The following RNF144A variants were observed in gnomAD, a reference collection of about 807,000 sequenced individuals.
The protein encoded by RNF144A is ring finger protein 144A, also known as E3 ubiquitin-protein ligase RNF144A.
Under a neutral mutation model 38.7 loss-of-function variants are expected in RNF144A, and 11 were observed. The observed-to-expected ratio is 0.28, with a 90% confidence interval of 0.18 to 0.47. The LOEUF (loss-of-function observed/expected upper bound fraction) is 0.47, where lower values mean the gene tolerates loss of function less well. Ranked by LOEUF, RNF144A falls within the 20% of genes least tolerant of loss-of-function variation. The pLI is 0.99. For missense variants in RNF144A, 316 were observed against 377.2 expected (o/e 0.84, Z 1.34); for synonymous variants, 149 against 143.9 (o/e 1.04, Z -0.25).
At chr2:6,953,771 C>A (rs1261947170) in intron 2 of RNF144A, among the ~76,000 whole-genome samples, 2 of 152,122 alleles carry the variant, frequency 1.3e-5, no homozygotes, top group Admixed American at 1.3e-4. Context: ...AGATTGTTTG[C>A]AGTACCTTTC....
intron 5 of RNF144A, 147 bp from the exon 6 acceptor site, chr2:7,020,326 G>A (rs1462469308): frequency 3.0e-6 from 2 of 668,800 alleles, no homozygotes; most frequent in Non-Finnish European, 5.2e-6. Flanking sequence ...AGGGTGGCTT[G>A]GGCGGTGCTT....
intron 7 of RNF144A, among the ~76,000 whole-genome samples, chr2:7,026,018 G>A (rs1671870571): frequency 6.6e-6 from 1 of 152,188 alleles, no homozygotes; most frequent in Admixed American, 6.5e-5. Context: ...AGTTCAGCTT[G>A]GCACACAATG....
At chr2:7,052,205 G>A (rs569816820) in intron 6 of RNF144A, among the ~76,000 whole-genome samples, 33 of 152,184 alleles carry the variant, frequency 2.2e-4, no homozygotes, top group African/African-American at 7.5e-4. Context: ...AACGCTGGCC[G>A]TGGCAAACAT....
chr2:6,992,797 C>T (rs1669476316), intron 2 of RNF144A, among the ~76,000 whole-genome samples: 1 of 152,186 alleles, frequency 6.6e-6, no homozygotes, highest in African/African-American at 2.4e-5. Context: ...TTTTCTCTTC[C>T]AGCTCTCTCT....
intron 2 of RNF144A, among the ~76,000 whole-genome samples, chr2:6,980,093 T>A (rs1373435055): frequency 6.6e-6 from 1 of 152,204 alleles, no homozygotes; most frequent in African/African-American, 2.4e-5. Flanking sequence ...ACTGCCCCCA[T>A]GATCCAGTCA....
In RNF144A at chr2:7,009,914, G is replaced by A. The variant is rs1670684907; in HGVS notation, c.136-4540G>A. ...CTGTTGCCAGGTGTCTGGCTACTCT[G>A]TGTGTGTTCTACTCATCTTTGTGTC... On this transcript the variant is annotated intron_variant, in intron 3 of 8. Coordinates refer to ENST00000320892, the MANE Select transcript of RNF144A (RefSeq NM_014746.6). Among the ~76,000 whole-genome samples the A allele has an allele frequency of 6.6e-5, 10 of 152,228 alleles. No homozygotes were observed. The South Asian group carries it at 1.2e-3, about 19-fold the overall frequency.
intron 5 of RNF144A, among the ~76,000 whole-genome samples, chr2:7,019,295 T>A (rs1671353511): frequency 6.6e-6 from 1 of 152,182 alleles, no homozygotes; most frequent in South Asian, 2.1e-4. Flanking sequence ...AGTGGGTGAT[T>A]TGTCATTAAC....
At chr2:6,959,514 C>T (rs542203806) in intron 2 of RNF144A, among the ~76,000 whole-genome samples, 207 of 152,262 alleles carry the variant, frequency 1.4e-3, no homozygotes, top group Middle Eastern at 0.01. Flanking sequence ...GTTTATTTCT[C>T]ACAGTCCTGG....
intron 2 of RNF144A, among the ~76,000 whole-genome samples, chr2:6,967,750 A>G (rs925392540): frequency 2.0e-5 from 3 of 152,224 alleles, no homozygotes; most frequent in African/African-American, 4.8e-5. Context: ...TCACTTGCAT[A>G]GGAATCATTG....
intron 2 of RNF144A, among the ~76,000 whole-genome samples, chr2:6,987,456 G>T (rs1363770385): frequency 6.6e-6 from 1 of 152,156 alleles, no homozygotes; most frequent in Non-Finnish European, 1.5e-5. Context: ...TGCTCTGATG[G>T]GGTGGAGGGA....
downstream of RNF144A, among the ~76,000 whole-genome samples, chr2:7,045,640 TTA>T (rs1673277877): frequency 6.6e-6 from 1 of 152,174 alleles, no homozygotes; most frequent in Non-Finnish European, 1.5e-5. Flanking sequence ...AAGACCCTAT[TTA>T]CAAATAAGGT....
At chr2:7,021,501 C>A (rs925565857) in intron 6 of RNF144A, among the ~76,000 whole-genome samples, 1 of 152,186 alleles carries the variant, frequency 6.6e-6, no homozygotes, top group Non-Finnish European at 1.5e-5. Context: ...TCCTTCCGGG[C>A]GAACCTCTCT....
intron 8 of RNF144A, among the ~76,000 whole-genome samples, chr2:7,036,413 G>A (rs1672679493): frequency 6.6e-6 from 1 of 152,214 alleles, no homozygotes; most frequent in Non-Finnish European, 1.5e-5. Context: ...ATCCGTGGAG[G>A]GGTGCACAGT....
At position 7,032,100 on chromosome 2, in the gene RNF144A, G is replaced by A. The variant is rs188672885; in HGVS notation, c.747+1885G>A. On this transcript the variant is annotated intron_variant, in intron 8 of 8. Coordinates refer to ENST00000320892, the MANE Select transcript of RNF144A (RefSeq NM_014746.6). ...GATGATGAAGGCAGATTTGGCCCCC[G>A]GGCCATGGCGTACTGCCCTCTGGTC... Among the ~76,000 whole-genome samples the A allele has an allele frequency of 1.1e-3, 161 of 152,396 alleles. 1 individual carries two copies. The highest frequency in any genetic ancestry group is 3.6e-3 in the African/African-American group (150 of 41,600).
chr2:6,964,572 A>C (rs1038886513), intron 2 of RNF144A, among the ~76,000 whole-genome samples: 1 of 152,248 alleles, frequency 6.6e-6, no homozygotes, highest in Non-Finnish European at 1.5e-5. Flanking sequence ...AACCAACCCA[A>C]ATGTCCAACT....
chr2:7,062,497 TAA>T (rs70942688), intron 6 of RNF144A, among the ~76,000 whole-genome samples: 4,288 of 113,418 alleles, frequency 0.038, 72 homozygotes, highest in Non-Finnish European at 0.04. Flanking sequence ...TGCTGGGTGC[TAA>T]AAAAAAAAAA....
At chr2:7,024,783 G>A (rs770607357) in intron 7 of RNF144A, among the ~76,000 whole-genome samples, 26 of 152,182 alleles carry the variant, frequency 1.7e-4, no homozygotes, top group Non-Finnish European at 5.9e-5. Flanking sequence ...AGGGGTTTTA[G>A]CATCTTAGGT....
intron 2 of RNF144A, among the ~76,000 whole-genome samples, chr2:6,981,056 A>G (rs1353974234): frequency 6.6e-6 from 1 of 152,182 alleles, no homozygotes; most frequent in Non-Finnish European, 1.5e-5. Flanking sequence ...CCAGGGTGCC[A>G]TGTCCCAAGG....
intron 6 of RNF144A, among the ~76,000 whole-genome samples, chr2:7,051,452 G>C (rs780187227): frequency 6.6e-6 from 1 of 152,200 alleles, no homozygotes; most frequent in African/African-American, 2.4e-5. Context: ...ATTTGCCTAC[G>C]CCACGGTAGC....
Sources: allele counts gnomAD v4.1 joint callset (sites outside exome capture counted in the v4.1 genomes callset), GRCh38; gene constraint gnomAD v4.1.1; transcripts MANE v1.5; gene names NCBI Gene and HGNC (gene_info 2026-07-23, HGNC 2026-07-21).